The following RALGPS2 variants were observed in gnomAD, a reference collection of about 807,000 sequenced individuals.
The protein encoded by RALGPS2 is ras-specific guanine nucleotide-releasing factor RalGPS2.
A neutral mutation model predicts 86.8 loss-of-function variants in RALGPS2; 43 were observed. That is an observed-to-expected ratio of 0.50 (90% CI 0.39 to 0.64). RALGPS2 has a LOEUF of 0.64. Ranked by LOEUF, RALGPS2 falls within the 30% of genes least tolerant of loss-of-function variation. RALGPS2 has a pLI of 0.00. For missense variants in RALGPS2, 536 were observed against 694.6 expected (o/e 0.77, Z 2.57); for synonymous variants, 243 against 231.3 (o/e 1.05, Z -0.46).
rs1176359381 is a variant in RALGPS2, at chr1:178,885,084, G to A, written c.913G>A (p.Val305Ile). The change falls in exon 12 of 20, where the codon GTA becomes ATA. Residue 305 changes from valine to isoleucine, a missense_variant. Physicochemically the swap from Val to Ile is conservative, Grantham distance 29. This residue lies in a region of RALGPS2 where 309 missense variants were observed against 363.0 expected (regional missense o/e 0.85). Transcript: ENST00000367635. ...TTAAATTTAACCCTTAGGTCCTGAA[G>A]TAGGAGCGTCTCCACAGAGTGGACG... is the stretch of plus-strand genomic sequence containing the variant. ...ASREDLVGPE[V>I]GASPQSGRKS... 15 of 1,587,522 alleles carry A rather than the reference G, an allele frequency of 9.4e-6. No individual in the cohort carries two copies. Among genetic ancestry groups the A allele is most frequent in the Non-Finnish European group, 1.3e-5 (15 of 1,173,092 alleles).
At chr1:178,907,984 T>TA (rs1018775202) in intron 19 of RALGPS2, among the ~76,000 whole-genome samples, 9 of 152,188 alleles carry the variant, frequency 5.9e-5, no homozygotes, top group Non-Finnish European at 1.5e-5. Context: ...GCAGGTTTGT[T>TA]ACATGGGTAT....
intron 1 of RALGPS2, among the ~76,000 whole-genome samples, chr1:178,773,159 G>T (rs1652888087): frequency 6.6e-6 from 1 of 152,136 alleles, no homozygotes; most frequent in East Asian, 1.9e-4. Flanking sequence ...TATAGATGAT[G>T]ATGTAATAGT....
At chr1:178,840,232 A>G (rs907282897) in intron 8 of RALGPS2, among the ~76,000 whole-genome samples, 1 of 152,228 alleles carries the variant, frequency 6.6e-6, no homozygotes, top group Non-Finnish European at 1.5e-5. Flanking sequence ...TTATTCCAAA[A>G]TTGACCACAT....
At position 178,876,108 on chromosome 1, in the gene RALGPS2, T is replaced by C. The variant is rs141523789; in HGVS notation, c.608-1390T>C. 5.6e-3 allele frequency among the ~76,000 whole-genome samples: 849 copies of C among 152,340 alleles called. 9 individuals carry two copies. Among genetic ancestry groups the C allele is most frequent in the African/African-American group, 0.02 (818 of 41,578 alleles). On this transcript the variant is annotated intron_variant, in intron 8 of 19. Transcript: ENST00000367635. ...AAAAGATTGCCATGCCAACCTTTTA[T>C]GTTAAGCACCTATTGTCAAAACATT...
In RALGPS2 at chr1:178,863,156, A is replaced by AC. The variant is rs541955653; in HGVS notation, c.608-14341dup. On this transcript the variant is annotated intron_variant, in intron 8 of 19. Transcript: ENST00000367635. ...GCTGCTGTGGATCATTTGAATCTAA[A>AC]CAAGAGTTCTGGCTCTGAATAGAAA... is the stretch of plus-strand genomic sequence containing the variant. Among the ~76,000 whole-genome samples, 595 of 152,284 alleles carry AC rather than the reference A, an allele frequency of 3.9e-3. 3 individuals carry two copies. Among genetic ancestry groups the AC allele is most frequent in the Non-Finnish European group, 5.0e-3 (339 of 68,016 alleles).
intron 7 of RALGPS2, among the ~76,000 whole-genome samples, chr1:178,831,869 A>G (rs939484110): frequency 1.3e-5 from 2 of 152,086 alleles, no homozygotes; most frequent in African/African-American, 4.8e-5. Context: ...ATTGAATTCT[A>G]TTTATCTGAT....
chr1:178,893,180 T>G (rs1659789061), intron 15 of RALGPS2, among the ~76,000 whole-genome samples: 1 of 152,042 alleles, frequency 6.6e-6, no homozygotes, highest in Admixed American at 6.6e-5. Flanking sequence ...AATCATTAAT[T>G]ATTGTATTAA....
chr1:178,801,675 C>A (rs1055338431), intron 4 of RALGPS2, among the ~76,000 whole-genome samples: 1 of 151,982 alleles, frequency 6.6e-6, no homozygotes, highest in Non-Finnish European at 1.5e-5. Context: ...TGGAAGGTGA[C>A]TGAAAGGAAA....
At chr1:178,865,350 G>A (rs764978473) in intron 8 of RALGPS2, 8 of 1,613,868 alleles carry the variant, frequency 5.0e-6, no homozygotes, top group African/African-American at 2.7e-5. Flanking sequence ...TCCCTCTTAC[G>A]GATAATCTCA....
intron 19 of RALGPS2, 83 bp downstream of exon 19, chr1:178,906,950 T>C (rs1660410305): frequency 8.2e-7 from 1 of 1,220,002 alleles, no homozygotes. Context: ...AACAGACTAG[T>C]TCTGAATTAA....
chr1:178,859,435 C>A (rs1330758527), intron 8 of RALGPS2, among the ~76,000 whole-genome samples: 1 of 132,066 alleles, frequency 7.6e-6, no homozygotes, highest in African/African-American at 2.8e-5. Context: ...GACGGAGTCT[C>A]GCTCTGTCGC....
At chr1:178,863,919 T>C (rs143586702) in intron 8 of RALGPS2, among the ~76,000 whole-genome samples, 4 of 152,326 alleles carry the variant, frequency 2.6e-5, no homozygotes, top group South Asian at 2.1e-4. Flanking sequence ...TTTATTGTTA[T>C]TGTTTAAAAT....
chr1:178,885,958 T>TC lies in RALGPS2; in HGVS notation c.1041-10dup. 6.4e-7 allele frequency: 1 copy of TC among 1,568,072 alleles called. No homozygotes were observed. ...ATAATAAAAGATATGAACTTTTTTT[T>TC]CTGTTTCTAGTTTCATTCATAAAAT... On this transcript the variant is annotated splice_polypyrimidine_tract_variant and intron_variant, in intron 12 of 19. Coordinates refer to ENST00000367635, the MANE Select transcript of RALGPS2 (RefSeq NM_152663.5).
At chr1:178,853,084 A>T (rs1368401447) in intron 8 of RALGPS2, 1 of 1,440,310 alleles carries the variant, frequency 6.9e-7, no homozygotes. Flanking sequence ...CTTCCATTTT[A>T]GTTGGTCACT....
At chr1:178,828,703 A>G (rs1367751309) in intron 7 of RALGPS2, among the ~76,000 whole-genome samples, 4 of 152,228 alleles carry the variant, frequency 2.6e-5, no homozygotes, top group African/African-American at 7.2e-5. Context: ...GGCAGTGCAA[A>G]TCAAAACCAC....
intron 1 of RALGPS2, among the ~76,000 whole-genome samples, chr1:178,775,077 A>G (rs1047921037): frequency 6.6e-6 from 1 of 152,162 alleles, no homozygotes; most frequent in African/African-American, 2.4e-5. Flanking sequence ...ATGGGAATTA[A>G]GCAGATAGTA....
intron 1 of RALGPS2, among the ~76,000 whole-genome samples, chr1:178,727,331 CTGGGACTACAGGCA>C (rs1368004241): frequency 1.3e-5 from 2 of 152,090 alleles, no homozygotes; most frequent in African/African-American, 4.8e-5. Context: ...TCCCAAGAAG[CTGGGACTACAGGCA>C]TGCGCCACTG....
rs61202618 is a variant in RALGPS2, at chr1:178,746,662, A to G, written c.-84+21243A>G. ...AATGGTTCCAAATTTATAGCTGCAG[A>G]ATATTCTCAAGTCATGAATATTAGG... On this transcript the variant is annotated intron_variant, in intron 1 of 19. Coordinates refer to ENST00000367635, the MANE Select transcript of RALGPS2 (RefSeq NM_152663.5). The G allele has an allele frequency of 5.3e-5, 41 of 770,250 alleles. No individual in the cohort carries two copies. The East Asian group carries it at 9.8e-4, about 18-fold the overall frequency. The allele number at this position is 770,250 out of a possible 1,614,324, so 47.7% of individuals were successfully genotyped here. A position where few individuals can be genotyped will look rare whatever the true frequency, so the allele number is the denominator to read the frequency against.
At chr1:178,767,358 C>CTTTT (rs1159630163) in intron 1 of RALGPS2, among the ~76,000 whole-genome samples, 34 of 70,454 alleles carry the variant, frequency 4.8e-4, no homozygotes, top group African/African-American at 1.3e-3. Context: ...TGTCCTTTGG[C>CTTTT]TTTTTTTTTT....
Sources: allele counts gnomAD v4.1 joint callset (sites outside exome capture counted in the v4.1 genomes callset), GRCh38; gene constraint gnomAD v4.1.1; regional missense constraint gnomAD v4.1.1; transcripts MANE v1.5; gene names NCBI Gene and HGNC (gene_info 2026-07-23, HGNC 2026-07-21).